CCSAP: variants seen among roughly 807,000 people sequenced by gnomAD.
CCSAP encodes the protein centriole, cilia and spindle-associated protein.
A neutral mutation model predicts 25.9 loss-of-function variants in CCSAP; 17 were observed. The ratio of observed to expected loss-of-function variants is 0.66; its 90% CI spans 0.45 to 0.99. The LOEUF is 0.99. CCSAP is among the 50% of genes least tolerant of loss of function. The pLI is 0.00. For synonymous variants in CCSAP, 169 were observed against 157.1 expected (o/e 1.08, Z -0.57); for missense variants, 339 against 367.8 (o/e 0.92, Z 0.64).
intron 2 of CCSAP, among the ~76,000 whole-genome samples, chr1:229,341,133 G>T (rs1396017191): frequency 6.7e-6 from 1 of 148,228 alleles, no homozygotes; most frequent in African/African-American, 2.5e-5. Context: ...GGCAGAGGTT[G>T]CAGTGAGCCG....
Position 229,326,300 on chromosome 1 carries a change from C to T in CCSAP, c.636+438G>A, listed in dbSNP as rs113425250. ...GAGTCTCTGGCAGATGCCAAGCAAT[C>T]AATCAATCAGACAAACCAAAGATAA... On this transcript the variant is annotated intron_variant, in intron 3 of 3. Coordinates refer to ENST00000284617, the MANE Select transcript of CCSAP (RefSeq NM_145257.5). 2.4e-3 allele frequency among the ~76,000 whole-genome samples: 370 copies of T among 152,098 alleles called. 2 individuals are homozygous for T. The highest frequency in any genetic ancestry group is 8.2e-3 in the African/African-American group (342 of 41,504).
chr1:229,330,455 CAAAG>C (rs1658040671), intron 2 of CCSAP, among the ~76,000 whole-genome samples: 2 of 151,974 alleles, frequency 1.3e-5, no homozygotes, highest in African/African-American at 4.8e-5. Flanking sequence ...AATGCACAGG[CAAAG>C]AAAGGAGAAC....
chr1:229,334,382 T>G (rs1658148103), intron 2 of CCSAP, among the ~76,000 whole-genome samples: 1 of 152,214 alleles, frequency 6.6e-6, no homozygotes. Context: ...TAAAAAATCA[T>G]AATGAAAATT....
At chr1:229,337,678 A>ATATATATAT (rs1553305147) in intron 2 of CCSAP, among the ~76,000 whole-genome samples, 1 of 65,548 alleles carries the variant, frequency 1.5e-5, no homozygotes, top group Non-Finnish European at 3.1e-5. Context: ...CTCAAAAAAA[A>ATATATATAT]ATATATATAT....
chr1:229,330,404 G>A (rs1244006718), intron 2 of CCSAP, among the ~76,000 whole-genome samples: 1 of 152,186 alleles, frequency 6.6e-6, no homozygotes, highest in Non-Finnish European at 1.5e-5. Flanking sequence ...CACAGAGCCG[G>A]AAGACAGGAG....
intron 2 of CCSAP, among the ~76,000 whole-genome samples, chr1:229,329,362 G>T (rs1485091661): frequency 6.6e-6 from 1 of 152,192 alleles, no homozygotes; most frequent in Non-Finnish European, 1.5e-5. Context: ...TTCTTCAATG[G>T]CATGGAGAGA....
At position 229,342,081 on chromosome 1, in the gene CCSAP, C is replaced by A; in HGVS notation, c.367+18G>T. 1 of 1,319,928 alleles carries A rather than the reference C, an allele frequency of 7.6e-7. No individual in the cohort carries two copies. Among genetic ancestry groups the A allele is most frequent in the Non-Finnish European group, 9.6e-7 (1 of 1,037,764 alleles). 81.8% of individuals were successfully genotyped at this position (1,319,928 alleles called of 1,614,324 possible). A position where few individuals can be genotyped will look rare whatever the true frequency, so the allele number is the denominator to read the frequency against. On this transcript the variant is annotated intron_variant, in intron 2 of 3. Coordinates refer to ENST00000284617, the MANE Select transcript of CCSAP (RefSeq NM_145257.5). This position sits in a 1 kb window ranked among gnomAD's most constrained non-coding sequence, Gnocchi z 7.5. ...TCCCTGCGTGCAGGCCCCTCGCGCT[C>A]CCCTCCGGGCCGGGTACCTGGCAGA...
At chr1:229,338,915 G>A (rs1235877470) in intron 2 of CCSAP, among the ~76,000 whole-genome samples, 1 of 151,766 alleles carries the variant, frequency 6.6e-6, no homozygotes, top group Non-Finnish European at 1.5e-5. Context: ...ACATTTAAAA[G>A]AAAAATAGGA....
At chr1:229,341,063 G>C (rs1051837617) in intron 2 of CCSAP, among the ~76,000 whole-genome samples, 1 of 152,030 alleles carries the variant, frequency 6.6e-6, no homozygotes, top group Non-Finnish European at 1.5e-5. Context: ...GCGTGGTGGC[G>C]CGTGCCTGTA....
Position 229,342,079 on chromosome 1 carries a change from C to T in CCSAP, c.367+20G>A. 3 of 1,321,294 alleles carry T rather than the reference C, an allele frequency of 2.3e-6. No individual in the cohort carries two copies. The highest frequency in any genetic ancestry group is 2.9e-6 in the Non-Finnish European group (3 of 1,038,330). The allele number at this position is 1,321,294 out of a possible 1,614,324, so 81.8% of individuals were successfully genotyped here. A position where few individuals can be genotyped will look rare whatever the true frequency, so the allele number is the denominator to read the frequency against. On this transcript the variant is annotated intron_variant, in intron 2 of 3. Coordinates refer to ENST00000284617, the MANE Select transcript of CCSAP (RefSeq NM_145257.5). This position sits in a 1 kb window ranked among gnomAD's most constrained non-coding sequence, Gnocchi z 7.5. ...CGTCCCTGCGTGCAGGCCCCTCGCG[C>T]TCCCCTCCGGGCCGGGTACCTGGCA...
Position 229,342,600 on chromosome 1 carries a change from G to A in CCSAP, c.-48-87C>T, listed in dbSNP as rs1411158525. The A allele has an allele frequency of 3.6e-6, 2 of 554,394 alleles. No individual in the cohort carries two copies. Among genetic ancestry groups the A allele is most frequent in the Admixed American group, 4.5e-5 (1 of 22,422 alleles). 34.3% of individuals were successfully genotyped at this position (554,394 alleles called of 1,614,324 possible). On this transcript the variant is annotated intron_variant, in intron 1 of 3. Transcript: ENST00000284617. This position sits in a 1 kb window ranked among gnomAD's most constrained non-coding sequence, Gnocchi z 7.5. ...GACGTTTAAACCCGGAGCCCCGCCC[G>A]GACGGGAGCAGGGGGCGGGTCCCGG...
rs945238079 is a variant in CCSAP at position 229,321,176 on chromosome 1, A to G, written c.*4059T>C. The stretch of plus-strand genomic sequence containing the variant: ...TTGTTCCTCCAGAATTTTAAAGTGA[A>G]TGCAGTGCTCAAAACAAACTTACGA... On this transcript the variant is annotated 3_prime_UTR_variant, in exon 4 of 4. Transcript: ENST00000284617. The G allele has an allele frequency of 2.6e-5, 4 of 152,214 alleles. No individual in the cohort carries two copies. The highest frequency in any genetic ancestry group is 9.6e-5 in the African/African-American group (4 of 41,458). 9.4% of individuals were successfully genotyped at this position (152,214 alleles called of 1,614,324 possible).
Position 229,321,061 on chromosome 1 carries a change from T to G in CCSAP, c.*4174A>C, listed in dbSNP as rs1657807067. 1 of 152,214 alleles carries G rather than the reference T, an allele frequency of 6.6e-6. No individual in the cohort carries two copies. The highest frequency in any genetic ancestry group is 1.5e-5 in the Non-Finnish European group (1 of 68,046). 9.4% of individuals were successfully genotyped at this position (152,214 alleles called of 1,614,324 possible). ...ACATTTTTCCAAGTAAATACAATAT[T>G]AACTATAAGCTAAAAACAATACATA... On this transcript the variant is annotated 3_prime_UTR_variant, in exon 4 of 4. Transcript: ENST00000284617.
intron 2 of CCSAP, among the ~76,000 whole-genome samples, chr1:229,329,424 A>G (rs1228323187): frequency 6.6e-6 from 1 of 152,228 alleles, no homozygotes; most frequent in Non-Finnish European, 1.5e-5. Flanking sequence ...CATAGAGTCT[A>G]TGGATGAAGG....
intron 2 of CCSAP, among the ~76,000 whole-genome samples, chr1:229,327,968 G>A (rs755922758): frequency 4.6e-4 from 70 of 152,000 alleles, no homozygotes; most frequent in Non-Finnish European, 7.5e-4. Context: ...CTGTACCACA[G>A]CCCTAAATTC....
chr1:229,335,489 T>TC (rs1233679133), intron 2 of CCSAP, among the ~76,000 whole-genome samples: 1 of 152,164 alleles, frequency 6.6e-6, no homozygotes, highest in Non-Finnish European at 1.5e-5. Context: ...CCACGGGTCC[T>TC]CCCCTTGAAC....
At chr1:229,327,155 G>T in intron 2 of CCSAP, 149 bp from the exon 3 acceptor site, 1 of 623,214 alleles carries the variant, frequency 1.6e-6, no homozygotes, top group Non-Finnish European at 2.6e-6. Context: ...TAGAAATACA[G>T]GAACAAGTTA....
intron 2 of CCSAP, among the ~76,000 whole-genome samples, chr1:229,328,559 G>A (rs150221678): frequency 1.6e-4 from 25 of 152,180 alleles, no homozygotes; most frequent in African/African-American, 5.1e-4. Context: ...CTCCTGCCTC[G>A]GCCTCCCAAA....
intron 2 of CCSAP, among the ~76,000 whole-genome samples, chr1:229,337,659 G>A (rs1658220424): frequency 1.5e-5 from 1 of 65,692 alleles, no homozygotes; most frequent in African/African-American, 6.3e-5. Context: ...ACTGGAACAA[G>A]ATCAAAGGCT....
Sources: gnomAD v4.1 joint callset for allele counts (sites outside exome capture counted in the v4.1 genomes callset) on GRCh38, gnomAD v4.1.1 for gene constraint, Gnocchi (gnomAD v3.1) non-coding constraint, MANE v1.5 for transcripts, NCBI Gene and HGNC (gene_info 2026-07-23, HGNC 2026-07-21) for gene names.